REST: variants seen among roughly 807,000 people sequenced by gnomAD.
REST encodes RE1 silencing transcription factor.
A neutral mutation model predicts 30.4 loss-of-function variants in REST; 1 was observed. The observed-to-expected ratio is 0.03, with a 90% CI of 0.01 to 0.16. The LOEUF (loss-of-function observed/expected upper bound fraction) is 0.16, where lower values mean the gene tolerates loss of function less well. Ranked by LOEUF, REST falls within the 10% of genes least tolerant of loss-of-function variation. REST has a pLI of 1.00. For missense variants in REST, 1,259 were observed against 1,329.5 expected, an observed-to-expected ratio of 0.95 and a Z score of 0.82; for synonymous variants, 504 against 451.1, an observed-to-expected ratio of 1.12 and a Z score of -1.49.
chr4:56,918,066 A>AG (rs1164277711), intron 2 of REST, among the ~76,000 whole-genome samples: 1 of 151,800 alleles, frequency 6.6e-6, no homozygotes, highest in Non-Finnish European at 1.5e-5. Flanking sequence ...AAAAAAAAAA[A>AG]AAGGCTTGTT....
At chr4:56,928,725 A>G (rs1720819965) in intron 3 of REST, among the ~76,000 whole-genome samples, 1 of 151,636 alleles carries the variant, frequency 6.6e-6, no homozygotes, top group African/African-American at 2.4e-5. Flanking sequence ...AGGTGGGATT[A>G]CTGGCATGCA....
Position 56,935,025 on chromosome 4 carries a change from A to C in REST, c.*2873A>C, listed in dbSNP as rs1195725358. On this transcript the variant is annotated 3_prime_UTR_variant, in exon 4 of 4. Transcript: ENST00000309042. ...AAGGGCTGCATTTTTTTTTTTTTTT[A>C]ATAAGGCTTATAACTATGGCTGGAT... 1 of 110,638 alleles carries C rather than the reference A, an allele frequency of 9.0e-6. No individual in the cohort carries two copies. Among genetic ancestry groups the C allele is most frequent in the South Asian group, 2.6e-4 (1 of 3,828 alleles). 6.9% of individuals were successfully genotyped at this position (110,638 alleles called of 1,614,324 possible).
At chr4:56,913,240 G>T (rs2109529729) in intron 2 of REST, among the ~76,000 whole-genome samples, 1 of 152,196 alleles carries the variant, frequency 6.6e-6, no homozygotes, top group African/African-American at 2.4e-5. Context: ...GCTCACCACA[G>T]CCTCTACCTC....
intron 3 of REST, chr4:56,920,074 G>A: frequency 2.7e-6 from 1 of 370,830 alleles, no homozygotes; most frequent in Non-Finnish European, 4.8e-6. Context: ...GAATTTTTGT[G>A]TACACTTTTT....
Position 56,910,791 on chromosome 4 carries a change from T to C in REST, c.153T>C (p.Asn51=), listed in dbSNP as rs1719856941. The change falls in exon 2 of 4, where the codon AAT becomes AAC. Residue 51 remains asparagine, a synonymous_variant. Coordinates refer to ENST00000309042, the MANE Select transcript of REST (RefSeq NM_005612.5). ...LAAPQLIMLA[N]VALTGEVNGS... Reference sequence around the variant, plus strand: ...CACCTCAGCTTATTATGCTGGCAAATGTGGCCTTAACTGGGGAAGTAAATG... The same window carrying C: ...CACCTCAGCTTATTATGCTGGCAAACGTGGCCTTAACTGGGGAAGTAAATG... 6.2e-7 allele frequency: 1 copy of C among 1,614,042 alleles called. No homozygotes were observed. Among genetic ancestry groups the C allele is most frequent in the Non-Finnish European group, 8.5e-7 (1 of 1,180,046 alleles).
At chr4:56,913,740 C>G (rs2109530892) in intron 2 of REST, among the ~76,000 whole-genome samples, 1 of 152,218 alleles carries the variant, frequency 6.6e-6, no homozygotes, top group East Asian at 1.9e-4. Flanking sequence ...CCTCCACCTC[C>G]CAGGTTCAAG....
At chr4:56,918,051 CAA>C (rs528213458) in intron 2 of REST, among the ~76,000 whole-genome samples, 11 of 98,096 alleles carry the variant, frequency 1.1e-4, no homozygotes, top group Non-Finnish European at 1.0e-4. Context: ...GACTCCGTCT[CAA>C]AAAAAAAAAA....
At position 56,933,991 on chromosome 4, in the gene REST, T is replaced by A. The variant is rs891737681; in HGVS notation, c.*1839T>A. On this transcript the variant is annotated 3_prime_UTR_variant, in exon 4 of 4. Coordinates refer to ENST00000309042, the MANE Select transcript of REST (RefSeq NM_005612.5). ...TGAGAGTGAAGTTTGAGTTAAAAGT[T>A]GTTTGAACATGGCATTGACTGGGAG... is the stretch of plus-strand genomic sequence containing the variant. 6 of 152,164 alleles carry A rather than the reference T, an allele frequency of 3.9e-5. No homozygotes were observed. Among genetic ancestry groups the A allele is most frequent in the African/African-American group, 1.4e-4 (6 of 41,446 alleles). The allele number at this position is 152,164 out of a possible 1,614,324, so 9.4% of individuals were successfully genotyped here. A position where few individuals can be genotyped will look rare whatever the true frequency, so the allele number is the denominator to read the frequency against.
At chr4:56,918,876 G>A (rs1720321064) in intron 2 of REST, among the ~76,000 whole-genome samples, 1 of 151,988 alleles carries the variant, frequency 6.6e-6, no homozygotes, top group Admixed American at 6.6e-5. Flanking sequence ...TTGCTATGTT[G>A]CCCAGGCTAG....
chr4:56,927,099 GAA>G lies in REST; in HGVS notation c.983-2731_983-2730del, dbSNP rs11378040. On this transcript the variant is annotated intron_variant, in intron 3 of 3. Transcript: ENST00000309042. Reference sequence around the variant, plus strand: ...CAACAAGAGTGAAACTCCATCTCAAGAAAAAAAAAAAAGAAAGAAATTGAACT... The same window carrying G: ...CAACAAGAGTGAAACTCCATCTCAAGAAAAAAAAAAGAAAGAAATTGAACT... Among the ~76,000 whole-genome samples, 365 of 145,626 alleles carry G rather than the reference GAA, an allele frequency of 2.5e-3. 2 individuals are homozygous for G. Among genetic ancestry groups the G allele is most frequent in the Admixed American group, 4.8e-3 (70 of 14,630 alleles).
At chr4:56,927,868 C>G (rs559648926) in intron 3 of REST, among the ~76,000 whole-genome samples, 1 of 152,208 alleles carries the variant, frequency 6.6e-6, no homozygotes, top group Admixed American at 6.5e-5. Context: ...ATTACCTTGG[C>G]CTATATTTTT....
At position 56,931,663 on chromosome 4, in the gene REST, T is replaced by C; in HGVS notation, c.2805T>C (p.Asn935=). 1 of 1,614,200 alleles carries C rather than the reference T, an allele frequency of 6.2e-7. No individual in the cohort carries two copies. Among genetic ancestry groups the C allele is most frequent in the Non-Finnish European group, 8.5e-7 (1 of 1,180,036 alleles). Residue 935 remains asparagine (N), a synonymous_variant, in exon 4 of 4, where the codon AAT becomes AAC. Coordinates refer to ENST00000309042, the MANE Select transcript of REST (RefSeq NM_005612.5). ...NLNTPEGETL[N]GKHQTDSIVC... ...ATACGCCAGAGGGTGAAACTTTAAATGGTAAACATCAGACTGACAGTATAG... is the reference window on the plus strand; with the variant it reads ...ATACGCCAGAGGGTGAAACTTTAAACGGTAAACATCAGACTGACAGTATAG...
intron 2 of REST, among the ~76,000 whole-genome samples, chr4:56,912,605 C>T (rs1719984754): frequency 6.6e-6 from 1 of 151,942 alleles, no homozygotes. Flanking sequence ...ACCTCTGTCT[C>T]CCAGGTTCAA....
intron 3 of REST, among the ~76,000 whole-genome samples, chr4:56,927,893 A>G (rs1452423631): frequency 1.3e-5 from 2 of 152,230 alleles, no homozygotes; most frequent in Non-Finnish European, 2.9e-5. Flanking sequence ...TAAAATAGCA[A>G]TGCTAGCGCA....
At chr4:56,913,811 GC>G (rs1021218472) in intron 2 of REST, among the ~76,000 whole-genome samples, 10 of 152,108 alleles carry the variant, frequency 6.6e-5, no homozygotes, top group African/African-American at 2.2e-4. Context: ...ACCATGGCTA[GC>G]TAATTTTTTG....
chr4:56,927,556 G>C, intron 3 of REST: 2 of 695,792 alleles, frequency 2.9e-6, no homozygotes, highest in Non-Finnish European at 3.8e-6. Flanking sequence ...GAGAATGTTT[G>C]AGATGAATTT....
rs556788371 is a variant in REST, at chr4:56,927,593, A to G, written c.983-2248A>G. On this transcript the variant is annotated intron_variant, in intron 3 of 3. Transcript: ENST00000309042. Reference sequence around the variant, plus strand: ...CATAAATGTCAATTTCCGTTTTTCTACTATGCATTCCATTGGACCAGTGGG... The same window carrying G: ...CATAAATGTCAATTTCCGTTTTTCTGCTATGCATTCCATTGGACCAGTGGG... The G allele has an allele frequency of 5.7e-5, 59 of 1,032,712 alleles. 1 individual carries two copies. The highest frequency in any genetic ancestry group is 1.2e-4 in the African/African-American group (7 of 57,878). The allele number at this position is 1,032,712 out of a possible 1,614,324, so 64.0% of individuals were successfully genotyped here.
Position 56,914,187 on chromosome 4 carries a change from A to G in REST, c.898+2651A>G, listed in dbSNP as rs183372195. Among the ~76,000 whole-genome samples, 78 of 152,284 alleles carry G rather than the reference A, an allele frequency of 5.1e-4. 1 individual carries two copies. The South Asian group carries it at 0.014, about 28-fold the overall frequency. On this transcript the variant is annotated intron_variant, in intron 2 of 3. Coordinates refer to ENST00000309042, the MANE Select transcript of REST (RefSeq NM_005612.5). Reference sequence around the variant, plus strand: ...TCAAGTAATCTGCCCTTAGCCTCCCAAAGTGCTGGGATTATGGGTGTGAGC... The same window carrying G: ...TCAAGTAATCTGCCCTTAGCCTCCCGAAGTGCTGGGATTATGGGTGTGAGC...
At chr4:56,908,550 T>A (rs1041366447) in intron 1 of REST, among the ~76,000 whole-genome samples, 2 of 151,322 alleles carry the variant, frequency 1.3e-5, no homozygotes, top group Non-Finnish European at 2.9e-5. Context: ...GCGGAGCTGC[T>A]CGGGCCCGTA....
Sources: gnomAD v4.1 joint callset for allele counts (sites outside exome capture counted in the v4.1 genomes callset) on GRCh38, gnomAD v4.1.1 for gene constraint, MANE v1.5 for transcripts, NCBI Gene and HGNC (gene_info 2026-07-23, HGNC 2026-07-21) for gene names.